NCK1: variants seen among roughly 807,000 people sequenced by gnomAD.
NCK1 encodes the protein SH2/SH3 adapter protein NCK1.
NCK1 carries 19 observed loss-of-function variants against 36.6 expected under a neutral mutation model. That is an observed-to-expected ratio of 0.52 (90% CI 0.36 to 0.76). The LOEUF (loss-of-function observed/expected upper bound fraction) is 0.76. Among genes scored for constraint, NCK1 ranks in the 30% least tolerant of loss-of-function variants. NCK1 has a pLI of 0.00. For missense variants in NCK1, 358 were observed against 445.6 expected (o/e 0.80, Z 1.77); for synonymous variants, 165 against 156.0 (o/e 1.06, Z -0.43).
chr3:136,888,089 C>T (rs1474269698), intron 1 of NCK1, among the ~76,000 whole-genome samples: 5 of 151,708 alleles, frequency 3.3e-5, no homozygotes, highest in South Asian at 2.1e-4. Context: ...GGATTACAGG[C>T]GTCTGCCAGC....
At chr3:136,924,168 A>T (rs1036666767) in intron 1 of NCK1, among the ~76,000 whole-genome samples, 5 of 152,226 alleles carry the variant, frequency 3.3e-5, no homozygotes, top group African/African-American at 1.2e-4. Flanking sequence ...TTAACATCAC[A>T]GAAAATGGTT....
rs1940956256 is a variant in NCK1, at chr3:136,950,919, C to T, written c.*2466C>T. 6.6e-6 allele frequency among the ~76,000 whole-genome samples: 1 copy of T among 152,120 alleles called. No homozygotes were observed. The highest frequency in any genetic ancestry group is 1.5e-5 in the Non-Finnish European group (1 of 68,002). ...CATGATATAAGCTTTGTGACAAAAA[C>T]AAATGCCATTGTGTCCCTTATTTAG... On this transcript the variant is annotated 3_prime_UTR_variant, in exon 4 of 4. Transcript: ENST00000481752.
intron 1 of NCK1, among the ~76,000 whole-genome samples, chr3:136,870,036 T>G (rs1173993661): frequency 3.0e-5 from 4 of 134,736 alleles, no homozygotes; most frequent in Non-Finnish European, 5.1e-5. Context: ...AAGTTTTTTT[T>G]TTTTTTTTTT....
At chr3:136,927,058 G>A (rs527950139) in intron 1 of NCK1, among the ~76,000 whole-genome samples, 1 of 152,044 alleles carries the variant, frequency 6.6e-6, no homozygotes, top group South Asian at 2.1e-4. Context: ...TGCAACCTCC[G>A]CCTCCCAGGT....
At chr3:136,940,734 G>A (rs937029131) in intron 2 of NCK1, among the ~76,000 whole-genome samples, 3 of 151,870 alleles carry the variant, frequency 2.0e-5, no homozygotes, top group Admixed American at 6.6e-5. Flanking sequence ...TGGTAGAGAC[G>A]GAGTTTCACC....
intron 2 of NCK1, among the ~76,000 whole-genome samples, chr3:136,937,340 A>G (rs564384878): frequency 4.6e-5 from 7 of 152,292 alleles, no homozygotes; most frequent in South Asian, 2.1e-4. Flanking sequence ...CCTTATTCCA[A>G]TACCACACTG....
At chr3:136,922,910 A>G (rs1333659613) in intron 1 of NCK1, among the ~76,000 whole-genome samples, 4 of 152,218 alleles carry the variant, frequency 2.6e-5, no homozygotes, top group South Asian at 4.1e-4. Context: ...AGAAAATTAC[A>G]AACAACCCAT....
At chr3:136,938,806 T>C (rs751095814) in intron 2 of NCK1, among the ~76,000 whole-genome samples, 2 of 152,222 alleles carry the variant, frequency 1.3e-5, no homozygotes, top group African/African-American at 2.4e-5. Context: ...CTAACCCTGT[T>C]TTTCCCTTAG....
chr3:136,881,263 A>G (rs1200950260), intron 1 of NCK1, among the ~76,000 whole-genome samples: 1 of 152,132 alleles, frequency 6.6e-6, no homozygotes, highest in Non-Finnish European at 1.5e-5. Flanking sequence ...TCTGTCACCC[A>G]GGCTGGAGTG....
chr3:136,916,000 A>G (rs1276367690), intron 1 of NCK1, among the ~76,000 whole-genome samples: 1 of 152,148 alleles, frequency 6.6e-6, no homozygotes, highest in Non-Finnish European at 1.5e-5. Context: ...TGCTGGGATT[A>G]CAGGTGTGAG....
At chr3:136,870,562 A>C (rs1428269181) in intron 1 of NCK1, among the ~76,000 whole-genome samples, 1 of 151,898 alleles carries the variant, frequency 6.6e-6, no homozygotes, top group African/African-American at 2.4e-5. Context: ...ATGCTCTTGA[A>C]TAATATATTT....
intron 1 of NCK1, among the ~76,000 whole-genome samples, chr3:136,896,426 G>A (rs1609391): frequency 0.35 from 53,448 of 152,002 alleles, 11,660 homozygotes; most frequent in East Asian, 0.75. Context: ...ACTTAACATA[G>A]TGACCTCCAG....
chr3:136,944,585 G>A (rs1940763493), intron 2 of NCK1, among the ~76,000 whole-genome samples: 1 of 152,198 alleles, frequency 6.6e-6, no homozygotes, highest in South Asian at 2.1e-4. Flanking sequence ...TTAGACAATT[G>A]AAGGGACTAA....
intron 1 of NCK1, among the ~76,000 whole-genome samples, chr3:136,893,176 G>A (rs1162316279): frequency 4.4e-5 from 1 of 22,838 alleles, no homozygotes; most frequent in African/African-American, 1.3e-4. Flanking sequence ...GTGTGTGTGT[G>A]TGTATATATA....
chr3:136,900,115 C>A (rs892028851), intron 1 of NCK1: 4 of 394,208 alleles, frequency 1.0e-5, no homozygotes, highest in Non-Finnish European at 1.9e-5. Flanking sequence ...TTCCCAAGTT[C>A]TTGTTGGCTG....
chr3:136,896,033 A>G (rs1478784052), intron 1 of NCK1, among the ~76,000 whole-genome samples: 3 of 151,804 alleles, frequency 2.0e-5, no homozygotes, highest in Non-Finnish European at 2.9e-5. Context: ...AATATTTTAC[A>G]TATTTACGAG....
At position 136,951,077 on chromosome 3, in the gene NCK1, A is replaced by G. The variant is rs1311823478; in HGVS notation, c.*2624A>G. ...TGCTAAACAAAATAGGCTTCATGCA[A>G]TCTATTGCCATTGCTAGAAGAATAA... On this transcript the variant is annotated 3_prime_UTR_variant, in exon 4 of 4. Coordinates refer to ENST00000481752, the MANE Select transcript of NCK1 (RefSeq NM_001291999.2). Among the ~76,000 whole-genome samples, 1 of 152,198 alleles carries G rather than the reference A, an allele frequency of 6.6e-6. No homozygotes were observed. Among genetic ancestry groups the G allele is most frequent in the African/African-American group, 2.4e-5 (1 of 41,460 alleles).
chr3:136,941,093 GTCT>G (rs1940660334), intron 2 of NCK1, among the ~76,000 whole-genome samples: 1 of 144,958 alleles, frequency 6.9e-6, no homozygotes, highest in African/African-American at 2.5e-5. Flanking sequence ...TTCTATTACT[GTCT>G]TCTTTTGTGA....
intron 1 of NCK1, among the ~76,000 whole-genome samples, chr3:136,912,444 T>G (rs1287547534): frequency 6.6e-6 from 1 of 152,048 alleles, no homozygotes; most frequent in Non-Finnish European, 1.5e-5. Flanking sequence ...AATGTGTGTG[T>G]TCGTTCTCTT....
Sources: gnomAD v4.1 joint callset for allele counts (sites outside exome capture counted in the v4.1 genomes callset) on GRCh38, gnomAD v4.1.1 for gene constraint, MANE v1.5 for transcripts, NCBI Gene and HGNC (gene_info 2026-07-23, HGNC 2026-07-21) for gene names.